KAZN: variants seen among roughly 807,000 people sequenced by gnomAD.
KAZN encodes the protein kazrin.
Under a neutral mutation model 87.4 loss-of-function variants are expected in KAZN, and 40 were observed. The ratio of observed to expected loss-of-function variants is 0.46; its 90% CI spans 0.36 to 0.60. The LOEUF (loss-of-function observed/expected upper bound fraction) is 0.60. Among genes scored for constraint, KAZN ranks in the 20% least tolerant of loss-of-function variants. The pLI is 0.00. For synonymous variants in KAZN, 466 were observed against 458.3 expected, an observed-to-expected ratio of 1.02 and a Z score of -0.22; for missense variants, 898 against 1,073.9, an observed-to-expected ratio of 0.84 and a Z score of 2.29.
At chr1:14,032,602 G>A (rs35176877) in intron 1 of KAZN, among the ~76,000 whole-genome samples, 25,257 of 152,088 alleles carry the variant, frequency 0.17, 2,587 homozygotes, top group Non-Finnish European at 0.24. Context: ...TCAGTCTGGT[G>A]TTTCCCATCC....
At chr1:13,910,595 A>G (rs552401970) in intron 1 of KAZN, among the ~76,000 whole-genome samples, 7 of 151,986 alleles carry the variant, frequency 4.6e-5, no homozygotes, top group Middle Eastern at 3.4e-3. Context: ...TTCTGCCCCA[A>G]TTGCAAGTTT....
intron 2 of KAZN, among the ~76,000 whole-genome samples, chr1:14,187,411 G>A (rs1023727500): frequency 4.6e-5 from 7 of 152,128 alleles, no homozygotes; most frequent in Non-Finnish European, 1.5e-5. Context: ...GTTTACAAAA[G>A]TATTTAAATA....
At chr1:14,065,889 T>C (rs1642987983) in intron 1 of KAZN, among the ~76,000 whole-genome samples, 1 of 152,226 alleles carries the variant, frequency 6.6e-6, no homozygotes, top group Admixed American at 6.5e-5. Flanking sequence ...TCATGAATTG[T>C]ATAAAATCTG....
intron 1 of KAZN, among the ~76,000 whole-genome samples, chr1:14,063,491 C>G (rs1642876279): frequency 6.6e-6 from 1 of 152,144 alleles, no homozygotes; most frequent in Non-Finnish European, 1.5e-5. Flanking sequence ...ATTGAGTACC[C>G]AACAGATTCT....
intron 1 of KAZN, among the ~76,000 whole-genome samples, chr1:14,826,994 A>G (rs533716404): frequency 1.2e-4 from 18 of 152,250 alleles, no homozygotes; most frequent in Admixed American, 9.8e-4. Context: ...CTTGGAATCA[A>G]TCCCCACCTA....
intron 1 of KAZN, among the ~76,000 whole-genome samples, chr1:14,646,372 A>G (rs1047956589): frequency 3.9e-5 from 6 of 152,196 alleles, no homozygotes; most frequent in Admixed American, 3.9e-4. Flanking sequence ...TGGTTGTGCC[A>G]CTGCCCTCTA....
chr1:15,071,253 C>A (rs1458668619), intron 8 of KAZN, among the ~76,000 whole-genome samples: 1 of 150,200 alleles, frequency 6.7e-6, no homozygotes, highest in Non-Finnish European at 1.5e-5. Flanking sequence ...TTTTATTTTT[C>A]TTTTTTTTTC....
intron 2 of KAZN, among the ~76,000 whole-genome samples, chr1:14,219,110 A>G (rs1470331340): frequency 1.3e-5 from 2 of 152,194 alleles, no homozygotes; most frequent in Non-Finnish European, 2.9e-5. Flanking sequence ...AATAAATTAC[A>G]TGAGAAACAA....
chr1:13,937,934 A>G (rs1455077012), intron 1 of KAZN, among the ~76,000 whole-genome samples: 3 of 152,124 alleles, frequency 2.0e-5, no homozygotes, highest in African/African-American at 4.8e-5. Flanking sequence ...TAGTATCATT[A>G]TAGTATAATT....
intron 2 of KAZN, among the ~76,000 whole-genome samples, chr1:14,440,073 G>A (rs571685308): frequency 6.6e-6 from 1 of 152,090 alleles, no homozygotes; most frequent in Non-Finnish European, 1.5e-5. Flanking sequence ...TAGGTCTGTT[G>A]TTCTATTATG....
At chr1:14,295,811 T>C (rs1477776815) in intron 2 of KAZN, among the ~76,000 whole-genome samples, 3 of 152,190 alleles carry the variant, frequency 2.0e-5, no homozygotes, top group South Asian at 4.1e-4. Context: ...CCCCATTTCT[T>C]TCCTTCATGT....
In KAZN at chr1:14,189,941, C is replaced by G. The variant is rs1260486812; in HGVS notation, c.249+9349C>G. 2.0e-5 allele frequency among the ~76,000 whole-genome samples: 3 copies of G among 152,254 alleles called. No homozygotes were observed. In the East Asian group the frequency reaches 5.8e-4, roughly 29 times the overall value. ...GACCTTCTGTTTTGGAAAGACTGCT[C>G]TAGTTGGTCTATTTAGAGGGCACGA... is the stretch of plus-strand genomic sequence containing the variant. On this transcript the variant is annotated intron_variant, in intron 2 of 16. Coordinates refer to the KAZN transcript ENST00000636203.
chr1:14,398,750 A>C lies in KAZN; in HGVS notation c.250-200233A>C, dbSNP rs560469414. Among the ~76,000 whole-genome samples, 19 of 152,268 alleles carry C rather than the reference A, an allele frequency of 1.2e-4. No homozygotes were observed. In the South Asian group the frequency reaches 3.9e-3, roughly 32 times the overall value. ...TAAGGGCATTATGCTTTTCTCCTAC[A>C]CGGAACTGATGGGAGAGAGAATGGC... On this transcript the variant is annotated intron_variant, in intron 2 of 16. Coordinates refer to the KAZN transcript ENST00000636203.
At chr1:14,023,167 T>A (rs1640924118) in intron 1 of KAZN, among the ~76,000 whole-genome samples, 1 of 151,346 alleles carries the variant, frequency 6.6e-6, no homozygotes, top group South Asian at 2.1e-4. Flanking sequence ...ATAATAATAA[T>A]AAAAAAACAG....
chr1:14,250,979 G>A (rs4631686), intron 2 of KAZN, among the ~76,000 whole-genome samples: 26,367 of 152,006 alleles, frequency 0.17, 4,094 homozygotes, highest in African/African-American at 0.41. Flanking sequence ...TGTACTAGAG[G>A]AGGCATAACC....
At chr1:14,561,039 T>C (rs1024069211) in intron 2 of KAZN, among the ~76,000 whole-genome samples, 2 of 152,148 alleles carry the variant, frequency 1.3e-5, no homozygotes, top group Non-Finnish European at 2.9e-5. Flanking sequence ...CCTCTCTGCA[T>C]CAACTCCTGA....
At chr1:14,223,662 T>A (rs1281558877) in intron 2 of KAZN, among the ~76,000 whole-genome samples, 1 of 152,194 alleles carries the variant, frequency 6.6e-6, no homozygotes, top group Non-Finnish European at 1.5e-5. Flanking sequence ...TGACAAGAAA[T>A]CCTGCATAAA....
intron 2 of KAZN, among the ~76,000 whole-genome samples, chr1:14,572,258 G>T (rs1446209988): frequency 2.6e-5 from 4 of 152,192 alleles, no homozygotes; most frequent in Admixed American, 6.5e-5. Flanking sequence ...TCTTGATGCA[G>T]ATTAATGATG....
chr1:15,030,322 C>G (rs1671564756), intron 2 of KAZN, among the ~76,000 whole-genome samples: 1 of 152,088 alleles, frequency 6.6e-6, no homozygotes, highest in African/African-American at 2.4e-5. Flanking sequence ...GGTGGGAGTA[C>G]AGTGGTGCAA....
Sources: allele counts gnomAD v4.1 joint callset (sites outside exome capture counted in the v4.1 genomes callset), GRCh38; gene constraint gnomAD v4.1.1; transcripts MANE v1.5; gene names NCBI Gene and HGNC (gene_info 2026-07-23, HGNC 2026-07-21).